The following SLIT3 variants were observed in gnomAD, a reference collection of about 807,000 sequenced individuals.
The protein encoded by SLIT3 is slit homolog 3 protein.
Under a neutral mutation model 184.0 loss-of-function variants are expected in SLIT3, and 68 were observed. The ratio of observed to expected loss-of-function variants is 0.37; its 90% CI spans 0.30 to 0.45. SLIT3 has a LOEUF of 0.45. Ranked by LOEUF, SLIT3 falls within the 20% of genes least tolerant of loss-of-function variation. SLIT3 has a pLI of 1.00. For synonymous variants in SLIT3, 831 were observed against 828.6 expected (o/e 1.00, Z -0.05); for missense variants, 1,707 against 2,026.0 (o/e 0.84, Z 3.02).
At chr5:169,030,268 T>A (rs1436571055) in intron 4 of SLIT3, 1 of 152,252 alleles carries the variant, frequency 6.6e-6, no homozygotes, top group Non-Finnish European at 1.5e-5. Flanking sequence ...GCTAAGTCAC[T>A]TCACTGTTTC....
In SLIT3 at chr5:168,748,309, T is replaced by C. The variant is rs1754562845; in HGVS notation, c.2263A>G (p.Thr755Ala). The change falls in exon 20 of 36, where the codon ACC (threonine) becomes GCC (alanine). Residue 755 changes from threonine to alanine, a missense_variant. Around this residue, in one of 3 missense-constraint regions of SLIT3, gnomAD observed 1,307 missense variants for 1,511.6 expected, o/e 0.86. Transcript: ENST00000519560. ...GCAGCTGGGGGTACTTACAGCTCGG[T>C]CACATCCTTGGGCATGCCTCTGGGG... ...ALPRGMPKDV[T>A]ELYLEGNHLT... 6.8e-7 allele frequency: 1 copy of C among 1,472,842 alleles called. No homozygotes were observed. Among genetic ancestry groups the C allele is most frequent in the Admixed American group, 2.8e-5 (1 of 35,360 alleles). The allele number at this position is 1,472,842 out of a possible 1,614,324, so 91.2% of individuals were successfully genotyped here.
chr5:169,088,368 T>C (rs941663917), intron 4 of SLIT3, among the ~76,000 whole-genome samples: 7 of 151,466 alleles, frequency 4.6e-5, no homozygotes, highest in African/African-American at 1.7e-4. Context: ...TACTGCCTCC[T>C]ACTCCCCTGT....
intron 4 of SLIT3, among the ~76,000 whole-genome samples, chr5:169,128,573 C>T (rs1227751155): frequency 6.6e-6 from 1 of 152,036 alleles, no homozygotes; most frequent in African/African-American, 2.4e-5. Context: ...GGATTACAGG[C>T]TCCCAACACC....
chr5:168,908,499 G>A (rs1379167803), intron 4 of SLIT3, among the ~76,000 whole-genome samples: 2 of 152,174 alleles, frequency 1.3e-5, no homozygotes, highest in African/African-American at 2.4e-5. Context: ...TGAATTAATA[G>A]TGTCTCCAAT....
rs187663931 is a variant in SLIT3, at chr5:168,814,493, T to C, written c.793+2807A>G. Among the ~76,000 whole-genome samples the C allele has an allele frequency of 3.9e-5, 6 of 152,242 alleles. No individual in the cohort carries two copies. In the East Asian group the frequency reaches 7.7e-4, roughly 20 times the overall value. ...TCAGATGCCTTGTGGGGCTCAGGCA[T>C]TGGGGCAGGACTGGTTGTTGGTGGT... On this transcript the variant is annotated intron_variant, in intron 8 of 35. Coordinates refer to ENST00000519560, the MANE Select transcript of SLIT3 (RefSeq NM_003062.4).
Position 169,017,661 on chromosome 5 carries a change from G to A in SLIT3, c.414-134325C>T, listed in dbSNP as rs558245193. Among the ~76,000 whole-genome samples, 626 of 152,278 alleles carry A rather than the reference G, an allele frequency of 4.1e-3. 2 individuals are homozygous for A. Among genetic ancestry groups the A allele is most frequent in the African/African-American group, 0.014 (592 of 41,554 alleles). ...ATGGGCTAAATCTCCTGCAGCAATGGATGACCTTGAAGGTGCATGCTGCAG... is the reference window on the plus strand; with the variant it reads ...ATGGGCTAAATCTCCTGCAGCAATGAATGACCTTGAAGGTGCATGCTGCAG... On this transcript the variant is annotated intron_variant, in intron 4 of 35. Coordinates refer to ENST00000519560, the MANE Select transcript of SLIT3 (RefSeq NM_003062.4).
At chr5:169,204,620 CT>C (rs898127328) in intron 3 of SLIT3, among the ~76,000 whole-genome samples, 1 of 152,138 alleles carries the variant, frequency 6.6e-6, no homozygotes, top group Non-Finnish European at 1.5e-5. Context: ...TGGCAGTGGC[CT>C]TTGGCAGGGC....
intron 2 of SLIT3, among the ~76,000 whole-genome samples, chr5:169,250,902 C>A (rs1765752786): frequency 6.6e-6 from 1 of 152,184 alleles, no homozygotes; most frequent in Non-Finnish European, 1.5e-5. Context: ...TCCATCAATG[C>A]CCATTTCAAA....
chr5:168,764,834 T>C (rs1020773426), intron 14 of SLIT3, among the ~76,000 whole-genome samples: 2 of 152,228 alleles, frequency 1.3e-5, no homozygotes, highest in African/African-American at 2.4e-5. Context: ...CATTGTATTA[T>C]GCAAATCTCC....
intron 24 of SLIT3, 22 bp from the exon 25 acceptor site, chr5:168,711,080 C>G (rs377027879): frequency 1.4e-5 from 22 of 1,543,192 alleles, no homozygotes; most frequent in Non-Finnish European, 1.9e-5. Context: ...AACAGGAAGT[C>G]AGGGCCCCCT....
intron 4 of SLIT3, among the ~76,000 whole-genome samples, chr5:169,092,633 G>A (rs1410907436): frequency 6.6e-6 from 1 of 152,154 alleles, no homozygotes; most frequent in African/African-American, 2.4e-5. Context: ...AGCAGTGTCT[G>A]TCAGCACGCA....
At chr5:168,804,633 G>C (rs938981696) in intron 9 of SLIT3, among the ~76,000 whole-genome samples, 18 of 152,216 alleles carry the variant, frequency 1.2e-4, no homozygotes, top group Non-Finnish European at 2.4e-4. Context: ...AGGCAGAAAG[G>C]ACTCTTTACT....
Position 168,673,205 on chromosome 5 carries a change from C to T in SLIT3, c.3813G>A (p.Val1271=). ...CAAGGTAGAGGGGGCTGTTGATGCCCACTGCTGGCTGCTTCTGGAGCTTCC... is the reference window on the plus strand; with the variant it reads ...CAAGGTAGAGGGGGCTGTTGATGCCTACTGCTGGCTGCTTCTGGAGCTTCC... ...SLGKLQKQPA[V]GINSPLYLGG... The change falls in exon 33 of 36, where the codon GTG becomes GTA. Residue 1271 remains valine (V), a synonymous_variant. Coordinates refer to ENST00000519560, the MANE Select transcript of SLIT3 (RefSeq NM_003062.4). 1 of 1,614,108 alleles carries T rather than the reference C, an allele frequency of 6.2e-7. No individual in the cohort carries two copies. Among genetic ancestry groups the T allele is most frequent in the Non-Finnish European group, 8.5e-7 (1 of 1,180,012 alleles).
chr5:168,764,796 CCA>C (rs1220394574), intron 14 of SLIT3, among the ~76,000 whole-genome samples: 2 of 152,158 alleles, frequency 1.3e-5, no homozygotes, highest in Admixed American at 6.5e-5. Flanking sequence ...GCACGTATCC[CCA>C]CAGTTATTCG....
chr5:169,256,100 ATT>A (rs111929375), intron 1 of SLIT3, among the ~76,000 whole-genome samples: 1 of 148,776 alleles, frequency 6.7e-6, no homozygotes, highest in Non-Finnish European at 1.5e-5. Context: ...TAGGTATACT[ATT>A]TTTTTTTTAT....
chr5:168,684,016 G>T lies in SLIT3; in HGVS notation c.3636C>A (p.His1212Gln), dbSNP rs145897065. The T allele has an allele frequency of 1.2e-6, 2 of 1,606,166 alleles. No individual in the cohort carries two copies. Among genetic ancestry groups the T allele is most frequent in the East Asian group, 4.5e-5 (2 of 44,108 alleles). The change falls in exon 32 of 36, where the codon CAC becomes CAA. Residue 1212 changes from histidine (H) to glutamine (Q), a missense_variant. His to Gln is a conservative substitution (Grantham distance 24). Coordinates refer to ENST00000519560, the MANE Select transcript of SLIT3 (RefSeq NM_003062.4). ...TCAGGCTGTCATAGACCAGCCGCACGTGGCCCTGGTACAGCTCCAGTGCCA... is the reference window on the plus strand; with the variant it reads ...TCAGGCTGTCATAGACCAGCCGCACTTGGCCCTGGTACAGCTCCAGTGCCA... ...DPLALELYQGHVRLVYDSLSS... is the reference protein window; with the variant it reads ...DPLALELYQGQVRLVYDSLSS...
intron 4 of SLIT3, among the ~76,000 whole-genome samples, chr5:169,135,693 A>C (rs908739133): frequency 1.3e-5 from 2 of 152,226 alleles, no homozygotes; most frequent in Non-Finnish European, 2.9e-5. Context: ...GCACACAAAA[A>C]ACATCAGGAA....
intron 3 of SLIT3, among the ~76,000 whole-genome samples, chr5:169,237,152 C>A (rs766783545): frequency 2.0e-5 from 3 of 152,206 alleles, no homozygotes; most frequent in Admixed American, 2.0e-4. Flanking sequence ...CTTAGGTCAG[C>A]ACCTTTGCTC....
chr5:168,686,840 G>T, intron 30 of SLIT3, 139 bp downstream of exon 30: 2 of 908,360 alleles, frequency 2.2e-6, no homozygotes, highest in Non-Finnish European at 3.4e-6. Flanking sequence ...AAAGGTATCA[G>T]GGGAATAAAG....
Sources: allele counts gnomAD v4.1 joint callset (sites outside exome capture counted in the v4.1 genomes callset), GRCh38; gene constraint gnomAD v4.1.1; regional missense constraint gnomAD v4.1.1; transcripts MANE v1.5; gene names NCBI Gene and HGNC (gene_info 2026-07-23, HGNC 2026-07-21).